Variants in COL6A5 observed in about 807,000 individuals in gnomAD.
COL6A5 encodes the protein collagen type VI alpha 5 chain.
COL6A5 carries 48 observed loss-of-function variants against 65.6 expected under a neutral mutation model. The ratio of observed to expected loss-of-function variants is 0.73; its 90% CI spans 0.58 to 0.93. The LOEUF is 0.93. Among genes scored for constraint, COL6A5 ranks in the 40% least tolerant of loss-of-function variants. The pLI is 0.00. For synonymous variants in COL6A5, 291 were observed against 322.8 expected (o/e 0.90, Z 1.05); for missense variants, 914 against 928.3 (o/e 0.98, Z 0.20).
intron 17 of COL6A5, among the ~76,000 whole-genome samples, chr3:130,408,269 T>G (rs4688796): frequency 0.84 from 112,809 of 135,070 alleles, 46,096 homozygotes; most frequent in Non-Finnish European, 0.92. Flanking sequence ...ATTCCCGGTG[T>G]GGGGGTGGTG....
intron 1 of COL6A5, among the ~76,000 whole-genome samples, chr3:130,353,609 A>G (rs1442458556): frequency 6.6e-6 from 1 of 152,052 alleles, no homozygotes. Flanking sequence ...TGGCTTTGGG[A>G]AAAAAATCAC....
intron 1 of COL6A5, among the ~76,000 whole-genome samples, chr3:130,433,889 G>T (rs536335660): frequency 6.7e-6 from 1 of 148,472 alleles, no homozygotes; most frequent in Non-Finnish European, 1.5e-5. Flanking sequence ...TGTATCCCTT[G>T]TTTTTGGCAT....
At chr3:130,419,138 T>C (rs1168841417) in intron 25 of COL6A5, among the ~76,000 whole-genome samples, 1 of 151,962 alleles carries the variant, frequency 6.6e-6, no homozygotes, top group East Asian at 1.9e-4. Flanking sequence ...AGCAGGAGAA[T>C]GAGGGTAGGC....
chr3:130,451,076 T>A (rs1559910791), intron 4 of COL6A5, among the ~76,000 whole-genome samples: 1 of 152,138 alleles, frequency 6.6e-6, no homozygotes, highest in Non-Finnish European at 1.5e-5. Context: ...CATCTTAACA[T>A]AAGGAGAAGT....
At chr3:130,374,418 A>G (rs1407278914) in intron 2 of COL6A5, among the ~76,000 whole-genome samples, 2 of 152,144 alleles carry the variant, frequency 1.3e-5, no homozygotes, top group East Asian at 3.9e-4. Context: ...TATGACAGCT[A>G]TGATGTCATT....
chr3:130,423,863 A>G (rs1415961614), exon 29 of COL6A5: 6 of 1,549,726 alleles, frequency 3.9e-6, no homozygotes, highest in Non-Finnish European at 5.2e-6. Context: ...AAAGGTGAAG[A>G]GGGATCTCGA....
chr3:130,401,811 GA>G, exon 12 of COL6A5: 1 of 1,551,520 alleles, frequency 6.4e-7, no homozygotes, highest in Non-Finnish European at 8.7e-7. Flanking sequence ...AAATGTCCAG[GA>G]ATTCCAGGAC....
At chr3:130,403,997 C>T (rs746857279) in intron 13 of COL6A5, among the ~76,000 whole-genome samples, 1 of 152,056 alleles carries the variant, frequency 6.6e-6, no homozygotes, top group East Asian at 1.9e-4. Flanking sequence ...TGGCAGATAC[C>T]TGGGCACCCT....
chr3:130,360,180 A>T (rs144791337), intron 1 of COL6A5, among the ~76,000 whole-genome samples: 1 of 152,142 alleles, frequency 6.6e-6, no homozygotes, highest in Non-Finnish European at 1.5e-5. Context: ...CTAGACATCA[A>T]CTGCAAACGA....
intron 1 of COL6A5, among the ~76,000 whole-genome samples, chr3:130,346,752 GT>G (rs1252631517): frequency 1.3e-5 from 2 of 152,092 alleles, no homozygotes; most frequent in Admixed American, 1.3e-4. Context: ...CATTTATTTT[GT>G]TTTTTGGTAT....
At chr3:130,386,016 CA>C (rs1936174251) in intron 5 of COL6A5, among the ~76,000 whole-genome samples, 1 of 151,914 alleles carries the variant, frequency 6.6e-6, no homozygotes, top group South Asian at 2.1e-4. Context: ...TTAGGAGAAA[CA>C]ATTTGCAAAT....
rs373854847 is a variant in COL6A5 at position 130,358,002 on chromosome 3, A to C, written c.-29+12021A>C. ...CAGGTGATCGAGACCATCCTGGCTAACATGGTGAAACCCCGTCTCTACTAA... is the reference window on the plus strand; with the variant it reads ...CAGGTGATCGAGACCATCCTGGCTACCATGGTGAAACCCCGTCTCTACTAA... On this transcript the variant is annotated intron_variant and NMD_transcript_variant, in intron 1 of 41. Coordinates refer to the COL6A5 transcript ENST00000312481. Among the ~76,000 whole-genome samples, 4 of 152,152 alleles carry C rather than the reference A, an allele frequency of 2.6e-5. No individual in the cohort carries two copies. In the East Asian group the frequency reaches 7.7e-4, roughly 29 times the overall value.
intron 1 of COL6A5, among the ~76,000 whole-genome samples, chr3:130,432,281 G>A (rs756105886): frequency 1.7e-4 from 26 of 152,240 alleles, no homozygotes; most frequent in African/African-American, 5.3e-4. Context: ...GGGGCTGGGC[G>A]CGGTGGCTCA....
chr3:130,377,087 C>T (rs1266199154), intron 3 of COL6A5, among the ~76,000 whole-genome samples: 1 of 152,176 alleles, frequency 6.6e-6, no homozygotes, highest in Non-Finnish European at 1.5e-5. Context: ...CTCATCCCTA[C>T]ATTCTTTTCC....
At chr3:130,393,076 T>TTTTG (rs975983105) in intron 7 of COL6A5, among the ~76,000 whole-genome samples, 2 of 92,252 alleles carry the variant, frequency 2.2e-5, no homozygotes, top group African/African-American at 9.5e-5. Flanking sequence ...TGTTTTTTTT[T>TTTTG]TGTGTGTGTG....
intron 4 of COL6A5, among the ~76,000 whole-genome samples, chr3:130,444,357 A>G: frequency 6.6e-6 from 1 of 152,280 alleles, no homozygotes; most frequent in African/African-American, 2.4e-5. Context: ...GGAAATCACA[A>G]GGGTATTGAT....
chr3:130,440,420 A>G, exon 3 of COL6A5: 1 of 1,613,654 alleles, frequency 6.2e-7, no homozygotes. Flanking sequence ...TACAGTAAAA[A>G]CAGAGTTTGA....
chr3:130,411,442 G>A (rs930863367), intron 20 of COL6A5, among the ~76,000 whole-genome samples: 2 of 152,076 alleles, frequency 1.3e-5, no homozygotes, highest in African/African-American at 4.8e-5. Flanking sequence ...CTTCTCTCTG[G>A]GATAGATGGT....
At chr3:130,396,677 T>A (rs145940212) in intron 8 of COL6A5, among the ~76,000 whole-genome samples, 1 of 152,172 alleles carries the variant, frequency 6.6e-6, no homozygotes, top group African/African-American at 2.4e-5. Context: ...ATTTTCCACA[T>A]AGCTACTCTC....
Sources: gnomAD v4.1 joint callset for allele counts (sites outside exome capture counted in the v4.1 genomes callset) on GRCh38, gnomAD v4.1.1 for gene constraint, MANE v1.5 for transcripts, NCBI Gene and HGNC (gene_info 2026-07-23, HGNC 2026-07-21) for gene names.